The following NAALADL2 variants were observed in gnomAD, a reference collection of about 807,000 sequenced individuals.
NAALADL2 encodes the protein N-acetylated alpha-linked acidic dipeptidase like 2.
In NAALADL2, 76 loss-of-function variants were observed where a neutral mutation model predicts 87.2. The ratio of observed to expected loss-of-function variants is 0.87; its 90% CI spans 0.72 to 1.05. The LOEUF is 1.05. Ranked by LOEUF, NAALADL2 falls within the 50% of genes least tolerant of loss-of-function variation. NAALADL2 has a pLI of 0.00. For missense variants in NAALADL2, 1,089 were observed against 945.8 expected, an observed-to-expected ratio of 1.15 and a Z score of -1.99; for synonymous variants, 354 against 331.0, an observed-to-expected ratio of 1.07 and a Z score of -0.75.
intron 5 of NAALADL2, among the ~76,000 whole-genome samples, chr3:175,354,844 A>C (rs932098874): frequency 6.6e-6 from 1 of 150,764 alleles, no homozygotes; most frequent in African/African-American, 2.4e-5. Flanking sequence ...TTTGCAATTG[A>C]CTTATAGGGC....
intron 1 of NAALADL2, among the ~76,000 whole-genome samples, chr3:174,450,108 G>A (rs1161358745): frequency 6.6e-6 from 1 of 152,042 alleles, no homozygotes; most frequent in Non-Finnish European, 1.5e-5. Context: ...GCAAGGCAGA[G>A]AGTGAGTGTG....
intron 2 of NAALADL2, among the ~76,000 whole-genome samples, chr3:175,136,049 A>C (rs1442794445): frequency 6.6e-6 from 1 of 152,060 alleles, no homozygotes; most frequent in African/African-American, 2.4e-5. Flanking sequence ...TGAAAAAGCA[A>C]CTCTTTTAGT....
intron 9 of NAALADL2, among the ~76,000 whole-genome samples, chr3:175,532,946 A>G (rs1271568443): frequency 2.0e-5 from 3 of 152,182 alleles, no homozygotes; most frequent in African/African-American, 7.2e-5. Context: ...TGAAGTGACT[A>G]ATCCACTCCA....
At chr3:175,090,411 G>A (rs1229001837) in intron 1 of NAALADL2, among the ~76,000 whole-genome samples, 1 of 151,820 alleles carries the variant, frequency 6.6e-6, no homozygotes, top group Admixed American at 6.6e-5. Context: ...AGGAACTCAG[G>A]TGGGCCCAAC....
chr3:175,615,420 T>G (rs1004488339), intron 10 of NAALADL2, among the ~76,000 whole-genome samples: 1 of 152,210 alleles, frequency 6.6e-6, no homozygotes, highest in Admixed American at 6.5e-5. Context: ...TTACATATAT[T>G]GTGTCCTGAA....
intron 11 of NAALADL2, among the ~76,000 whole-genome samples, chr3:175,651,894 A>T (rs1730812138): frequency 6.6e-6 from 1 of 152,242 alleles, no homozygotes; most frequent in Admixed American, 6.5e-5. Flanking sequence ...GCAGAGAAGC[A>T]AACGAAAACG....
intron 1 of NAALADL2, among the ~76,000 whole-genome samples, chr3:174,535,998 A>T (rs1332182094): frequency 6.6e-6 from 1 of 152,158 alleles, no homozygotes; most frequent in African/African-American, 2.4e-5. Context: ...CATATTACAA[A>T]GACTAATGAA....
At chr3:174,503,827 C>T (rs1222015440) in intron 1 of NAALADL2, among the ~76,000 whole-genome samples, 1 of 151,964 alleles carries the variant, frequency 6.6e-6, no homozygotes, top group Non-Finnish European at 1.5e-5. Flanking sequence ...AAATTTGGGT[C>T]AGAATTTTTC....
intron 2 of NAALADL2, among the ~76,000 whole-genome samples, chr3:174,723,531 G>T (rs1474341157): frequency 6.6e-6 from 1 of 151,944 alleles, no homozygotes; most frequent in African/African-American, 2.4e-5. Context: ...CGAGATGGGC[G>T]GATCACAAGG....
chr3:175,218,168 A>G (rs183180273), intron 2 of NAALADL2: 69 of 419,212 alleles, frequency 1.6e-4, no homozygotes, highest in South Asian at 2.2e-4. Flanking sequence ...AAGAAGCACA[A>G]TAATCTTATT....
At chr3:175,352,956 A>G (rs2148881762) in intron 5 of NAALADL2, among the ~76,000 whole-genome samples, 2 of 152,178 alleles carry the variant, frequency 1.3e-5, no homozygotes. Flanking sequence ...GCAGGTATTC[A>G]TTATTTCTTC....
At chr3:174,562,221 A>C (rs1713710929) in intron 2 of NAALADL2, among the ~76,000 whole-genome samples, 1 of 152,164 alleles carries the variant, frequency 6.6e-6, no homozygotes, top group Non-Finnish European at 1.5e-5. Context: ...GCATTATAGG[A>C]AGAAGGCATT....
chr3:175,628,581 A>T (rs1455968552), intron 11 of NAALADL2, among the ~76,000 whole-genome samples: 2 of 146,512 alleles, frequency 1.4e-5, no homozygotes, highest in Admixed American at 7.0e-5. Context: ...GAGAATATTG[A>T]CATTTTAGTA....
At position 175,324,269 on chromosome 3, in the gene NAALADL2, T is replaced by A. The variant is rs746150025; in HGVS notation, c.1034T>A (p.Phe345Tyr). The change falls in exon 5 of 14, where the codon TTC becomes TAC. Residue 345 changes from phenylalanine (F) to tyrosine (Y), a missense_variant. Transcript: ENST00000454872. The stretch of plus-strand genomic sequence containing the variant: ...ACTGTGAATCCTAGCCATGATACCT[T>A]CATGGTGTCACTGAATCCAGGAGGA... ...PKTVNPSHDTFMVSLNPGGDP... is the reference protein window; with the variant it reads ...PKTVNPSHDTYMVSLNPGGDP... The A allele has an allele frequency of 9.3e-6, 15 of 1,613,698 alleles. No homozygotes were observed. Among genetic ancestry groups the A allele is most frequent in the Admixed American group, 1.7e-5 (1 of 59,976 alleles).
chr3:175,455,061 C>G (rs1032440885), intron 6 of NAALADL2, among the ~76,000 whole-genome samples: 3 of 152,018 alleles, frequency 2.0e-5, no homozygotes, highest in Non-Finnish European at 4.4e-5. Context: ...GAAGAGAGAG[C>G]AGTTGTAGGA....
chr3:175,046,525 C>A (rs1754691026), intron 1 of NAALADL2, among the ~76,000 whole-genome samples: 1 of 152,128 alleles, frequency 6.6e-6, no homozygotes, highest in African/African-American at 2.4e-5. Flanking sequence ...AAGCCCTCTC[C>A]ATGAGAGAAC....
At chr3:175,603,121 A>C (rs1043700314) in intron 10 of NAALADL2, among the ~76,000 whole-genome samples, 1 of 152,174 alleles carries the variant, frequency 6.6e-6, no homozygotes, top group African/African-American at 2.4e-5. Flanking sequence ...TCTTTCATCT[A>C]ATCTACTGCT....
intron 5 of NAALADL2, among the ~76,000 whole-genome samples, chr3:175,377,121 T>C (rs1767226215): frequency 6.6e-6 from 1 of 152,112 alleles, no homozygotes; most frequent in Admixed American, 6.6e-5. Flanking sequence ...AAACCCTCCC[T>C]GGCCAACATG....
intron 9 of NAALADL2, among the ~76,000 whole-genome samples, chr3:175,546,524 G>A (rs940604125): frequency 7.9e-5 from 12 of 151,970 alleles, no homozygotes; most frequent in African/African-American, 2.9e-4. Context: ...TTATGGTAAC[G>A]GTATTTACTT....
Sources: gnomAD v4.1 joint callset for allele counts (sites outside exome capture counted in the v4.1 genomes callset) on GRCh38, gnomAD v4.1.1 for gene constraint, MANE v1.5 for transcripts, NCBI Gene and HGNC (gene_info 2026-07-23, HGNC 2026-07-21) for gene names.